CAP2: variants seen among roughly 807,000 people sequenced by gnomAD.
CAP2 encodes the protein cyclase associated actin cytoskeleton regulatory protein 2, also known as adenylyl cyclase-associated protein 2.
CAP2 carries 24 observed loss-of-function variants against 57.7 expected under a neutral mutation model. The ratio of observed to expected loss-of-function variants is 0.42; its 90% CI spans 0.30 to 0.58. The LOEUF (loss-of-function observed/expected upper bound fraction) is 0.58. Among genes scored for constraint, CAP2 ranks in the 20% least tolerant of loss-of-function variants. CAP2 has a pLI of 0.22. For synonymous variants in CAP2, 194 were observed against 207.2 expected (o/e 0.94, Z 0.55); for missense variants, 501 against 590.3 (o/e 0.85, Z 1.57).
intron 6 of CAP2, among the ~76,000 whole-genome samples, chr6:17,509,884 T>TA (rs200595409): frequency 8.6e-5 from 13 of 150,450 alleles, no homozygotes; most frequent in Admixed American, 3.3e-4. Flanking sequence ...TATTTGGCCA[T>TA]AAAAAAAAAG....
At chr6:17,429,693 A>G (rs1759678992) in intron 3 of CAP2, among the ~76,000 whole-genome samples, 1 of 152,212 alleles carries the variant, frequency 6.6e-6, no homozygotes, top group South Asian at 2.1e-4. Flanking sequence ...AATAGAGGAA[A>G]GGAAGGAAAA....
intron 4 of CAP2, among the ~76,000 whole-genome samples, chr6:17,494,704 C>T (rs542356291): frequency 1.4e-4 from 22 of 152,066 alleles, no homozygotes; most frequent in Admixed American, 4.6e-4. Context: ...TTTTATGTGT[C>T]GACTTGGCTG....
At chr6:17,479,043 C>T (rs1004274466) in intron 4 of CAP2, among the ~76,000 whole-genome samples, 2 of 152,156 alleles carry the variant, frequency 1.3e-5, no homozygotes, top group South Asian at 2.1e-4. Flanking sequence ...TTTCTCAAAC[C>T]TGGTCTCTCC....
In CAP2 at chr6:17,551,530, G is replaced by A. The variant is rs770736898; in HGVS notation, c.1276G>A (p.Asp426Asn). The A allele has an allele frequency of 6.2e-6, 10 of 1,610,510 alleles. 1 individual carries two copies. The South Asian group carries it at 1.1e-4, about 18-fold the overall frequency. ...TEGCHIYLSE[D>N]ALDCEIVSAK... ...AGGTTGCCACATATACCTCAGTGAA[G>A]ATGCATTAGACTGTGAGATCGTGAG... Residue 426 changes from aspartate (D) to asparagine (N), a missense_variant, in exon 12 of 13, where the codon GAT (aspartate) becomes AAT (asparagine). Physicochemically the swap from Asp to Asn is conservative, Grantham distance 23. Coordinates refer to ENST00000229922, the MANE Select transcript of CAP2 (RefSeq NM_006366.3).
chr6:17,452,730 G>A (rs10949423), intron 3 of CAP2, among the ~76,000 whole-genome samples: 15,463 of 152,126 alleles, frequency 0.1, 2,401 homozygotes, highest in African/African-American at 0.33. Flanking sequence ...GTAAAACAGC[G>A]CACTTATCAG....
chr6:17,527,723 G>A (rs1762543549), intron 7 of CAP2, among the ~76,000 whole-genome samples: 1 of 151,908 alleles, frequency 6.6e-6, no homozygotes, highest in South Asian at 2.1e-4. Flanking sequence ...AGCTTTCTGA[G>A]TAGCTGGGAT....
At chr6:17,484,125 A>G (rs1307159970) in intron 4 of CAP2, among the ~76,000 whole-genome samples, 1 of 152,106 alleles carries the variant, frequency 6.6e-6, no homozygotes, top group East Asian at 1.9e-4. Flanking sequence ...TTTTCTTTGC[A>G]GACCAAAATC....
intron 3 of CAP2, among the ~76,000 whole-genome samples, chr6:17,445,652 A>G (rs1226625797): frequency 6.6e-6 from 1 of 152,214 alleles, no homozygotes; most frequent in Non-Finnish European, 1.5e-5. Context: ...TATTTATATC[A>G]TTGTAAACAT....
chr6:17,533,347 A>T (rs1013084818), intron 7 of CAP2, among the ~76,000 whole-genome samples: 3 of 152,078 alleles, frequency 2.0e-5, no homozygotes, highest in African/African-American at 7.2e-5. Context: ...TGTTCCCAGG[A>T]CAGCTGAAAT....
chr6:17,541,001 G>A lies in CAP2; in HGVS notation c.855G>A (p.Lys285=). ...KGLRHVTDDQ[K]TYKNPSLRAQ... is the part of the protein sequence containing the mutation. Reference sequence around the variant, plus strand: ...TCCGCCATGTCACAGATGACCAGAAGACATACAAAAATCCCAGCCTGCGGG... The same window carrying A: ...TCCGCCATGTCACAGATGACCAGAAAACATACAAAAATCCCAGCCTGCGGG... Residue 285 remains lysine, a synonymous_variant, in exon 9 of 13, where the codon AAG becomes AAA. Coordinates refer to ENST00000229922, the MANE Select transcript of CAP2 (RefSeq NM_006366.3). 1 of 1,613,964 alleles carries A rather than the reference G, an allele frequency of 6.2e-7. No homozygotes were observed. The highest frequency in any genetic ancestry group is 8.5e-7 in the Non-Finnish European group (1 of 1,179,910).
chr6:17,475,116 A>T (rs1322521074), intron 4 of CAP2, among the ~76,000 whole-genome samples: 2 of 151,446 alleles, frequency 1.3e-5, no homozygotes, highest in Non-Finnish European at 2.9e-5. Flanking sequence ...AATCACTTGA[A>T]CCTGGGAGGC....
chr6:17,488,877 T>C (rs1017346270), intron 4 of CAP2, among the ~76,000 whole-genome samples: 1 of 152,186 alleles, frequency 6.6e-6, no homozygotes, highest in African/African-American at 2.4e-5. Flanking sequence ...GCTTCATATC[T>C]GTTCCACGAG....
At position 17,405,368 on chromosome 6, in the gene CAP2, T is replaced by G. The variant is rs535742239; in HGVS notation, c.-2+11622T>G. On this transcript the variant is annotated intron_variant, in intron 1 of 12. Coordinates refer to ENST00000229922, the MANE Select transcript of CAP2 (RefSeq NM_006366.3). ...CTGCATTCCAGCCTGGGCGACAGAG[T>G]GAGACCCCATCTCAAAATTTAAAAA... Among the ~76,000 whole-genome samples the G allele has an allele frequency of 5.0e-4, 76 of 152,252 alleles. 2 individuals are homozygous for G. In the South Asian group the frequency reaches 0.016, roughly 31 times the overall value.
chr6:17,442,445 T>A (rs535619106), intron 3 of CAP2, among the ~76,000 whole-genome samples: 1 of 152,314 alleles, frequency 6.6e-6, no homozygotes, highest in South Asian at 2.1e-4. Context: ...TTTGTGAGCA[T>A]GCCCAGGGCT....
intron 7 of CAP2, 101 bp from the exon 8 acceptor site, chr6:17,539,163 TTCAAC>T: frequency 9.4e-7 from 1 of 1,063,904 alleles, no homozygotes; most frequent in Non-Finnish European, 1.4e-6. Context: ...TTGCTCAGGC[TTCAAC>T]CCCACTCTCT....
intron 3 of CAP2, among the ~76,000 whole-genome samples, chr6:17,436,094 C>T (rs57800809): frequency 0.044 from 6,474 of 145,508 alleles, 388 homozygotes; most frequent in African/African-American, 0.14. Flanking sequence ...TCTTTCCTTC[C>T]TTCCTTCCTT....
intron 4 of CAP2, among the ~76,000 whole-genome samples, chr6:17,499,476 G>T (rs955496376): frequency 6.6e-6 from 1 of 151,324 alleles, no homozygotes; most frequent in Non-Finnish European, 1.5e-5. Flanking sequence ...CCACGACAAC[G>T]TAACTATCCA....
chr6:17,552,753 C>T (rs1023256859), intron 12 of CAP2, among the ~76,000 whole-genome samples: 1 of 152,152 alleles, frequency 6.6e-6, no homozygotes. Flanking sequence ...GGAAGAGGAG[C>T]TCCCTCAGCC....
chr6:17,509,215 A>C (rs1377919781), intron 6 of CAP2, among the ~76,000 whole-genome samples: 1 of 152,150 alleles, frequency 6.6e-6, no homozygotes, highest in Non-Finnish European at 1.5e-5. Flanking sequence ...TTAATATTAC[A>C]TATTCAAAAT....
Sources: allele counts gnomAD v4.1 joint callset (sites outside exome capture counted in the v4.1 genomes callset), GRCh38; gene constraint gnomAD v4.1.1; transcripts MANE v1.5; gene names NCBI Gene and HGNC (gene_info 2026-07-23, HGNC 2026-07-21).